The following MUC5AC variants were observed in gnomAD, a reference collection of about 807,000 sequenced individuals.
The protein encoded by MUC5AC is mucin 5AC, oligomeric mucus/gel-forming.
A neutral mutation model predicts 169.7 loss-of-function variants in MUC5AC; 158 were observed. The ratio of observed to expected loss-of-function variants is 0.93; its 90% CI spans 0.82 to 1.06. The LOEUF (loss-of-function observed/expected upper bound fraction) is 1.06. MUC5AC is among the 50% of genes least tolerant of loss of function. The pLI, the probability that MUC5AC is intolerant of heterozygous loss-of-function variation, is 0.00. For synonymous variants in MUC5AC, 1,975 were observed against 1,237.0 expected, an observed-to-expected ratio of 1.60 and a Z score of -12.52; for missense variants, 4,359 against 3,089.9, an observed-to-expected ratio of 1.41 and a Z score of -9.74.
chr11:1,163,931 C>A lies in MUC5AC; in HGVS notation c.729C>A (p.Asp243Glu). The change falls in exon 7 of 49, where the codon GAC becomes GAA. Residue 243 changes from aspartate (D) to glutamate (E), a missense_variant. Transcript: ENST00000621226. ...TCGGGAACCTGCAGAAGATGGACGA[C>A]CCCACGGACCAGTGTCAGGACCCTG... ...MEFGNLQKMD[D>E]PTDQCQDPVP... 6.2e-7 allele frequency: 1 copy of A among 1,611,476 alleles called. No homozygotes were observed. Among genetic ancestry groups the A allele is most frequent in the South Asian group, 1.1e-5 (1 of 90,782 alleles).
Position 1,186,742 on chromosome 11 carries a change from G to A in MUC5AC, c.8597G>A (p.Ser2866Asn), listed in dbSNP as rs1467929480. The A allele has an allele frequency of 1.6e-6, 1 of 625,970 alleles. No homozygotes were observed. The highest frequency in any genetic ancestry group is 2.9e-6 in the Non-Finnish European group (1 of 350,208). The allele number at this position is 625,970 out of a possible 1,614,324, so 38.8% of individuals were successfully genotyped here. Residue 2866 changes from serine to asparagine, a missense_variant, in exon 31 of 49, where the codon AGC becomes AAC. By Grantham distance (46) the Ser-to-Asn change is conservative. Coordinates refer to ENST00000621226, the MANE Select transcript of MUC5AC (RefSeq NM_001304359.2). The part of the protein sequence containing the change: ...PTTRTTSVPT[S>N]STTSTATTST... Reference sequence around the variant, plus strand: ...ACCAGAACAACCTCTGTCCCTACAAGCAGCACAACCTCCACTGCTACAACC... The same window carrying A: ...ACCAGAACAACCTCTGTCCCTACAAACAGCACAACCTCCACTGCTACAACC...
Position 1,186,249 on chromosome 11 carries a change from C to A in MUC5AC, c.8104C>A (p.Pro2702Thr). The A allele has an allele frequency of 1.4e-6, 1 of 724,654 alleles. No homozygotes were observed. The highest frequency in any genetic ancestry group is 1.4e-5 in the South Asian group (1 of 71,854). 44.9% of individuals were successfully genotyped at this position (724,654 alleles called of 1,614,324 possible). A position where few individuals can be genotyped will look rare whatever the true frequency, so the allele number is the denominator to read the frequency against. The change falls in exon 31 of 49, where the codon CCT (proline) becomes ACT (threonine). Residue 2702 changes from proline to threonine, a missense_variant. By Grantham distance (38) the Pro-to-Thr change is conservative (BLOSUM62 -1). Coordinates refer to ENST00000621226, the MANE Select transcript of MUC5AC (RefSeq NM_001304359.2). ...CTCTGGTCCTGGAACTACTCCCAGC[C>A]CTGTTCCCACCACCAGCACAACCTC... ...TTSGPGTTPS[P>T]VPTTSTTSAP...
intron 2 of MUC5AC, among the ~76,000 whole-genome samples, chr11:1,161,290 T>G (rs1860133465): frequency 6.6e-6 from 1 of 151,812 alleles, no homozygotes; most frequent in Admixed American, 6.6e-5. Flanking sequence ...CCCTGGGGAC[T>G]TCTTCCTGGT....
At chr11:1,165,085 T>A (rs1860279280) in intron 9 of MUC5AC, among the ~76,000 whole-genome samples, 1 of 128,348 alleles carries the variant, frequency 7.8e-6, no homozygotes, top group Non-Finnish European at 1.6e-5. Context: ...GAGGCCCCTG[T>A]CCTGGCCCCC....
chr11:1,186,541 C>A lies in MUC5AC; in HGVS notation c.8396C>A (p.Thr2799Asn), dbSNP rs1860951368. Reference sequence around the variant, plus strand: ...TCTCCTACAACCAGCACAACCTCTACTACTATAACCAGCACAACTTCTGCC... The same window carrying A: ...TCTCCTACAACCAGCACAACCTCTAATACTATAACCAGCACAACTTCTGCC... ...TLSPTTSTTS[T>N]TITSTTSAPI... Residue 2799 changes from threonine (T) to asparagine (N), a missense_variant, in exon 31 of 49, where the codon ACT (threonine) becomes AAT (asparagine). Transcript: ENST00000621226. 1.0e-5 allele frequency: 7 copies of A among 699,790 alleles called. No homozygotes were observed. The South Asian group carries it at 1.0e-4, about 10-fold the overall frequency. The allele number at this position is 699,790 out of a possible 1,614,324, so 43.3% of individuals were successfully genotyped here.
In MUC5AC at chr11:1,178,602, G is replaced by A. The variant is rs1420646882; in HGVS notation, c.3246G>A (p.Thr1082=). 4.7e-5 allele frequency: 66 copies of A among 1,408,210 alleles called. No homozygotes were observed. The highest frequency in any genetic ancestry group is 1.5e-5 in the African/African-American group (1 of 67,674). The allele number at this position is 1,408,210 out of a possible 1,614,324, so 87.2% of individuals were successfully genotyped here. ...CCCTGGCGCCCAAGGACCCCTGCAC[G>A]GCCAACCCCTTCCGCAAGTCCTGGG... ...PDALAPKDPC[T]ANPFRKSWAQ... The change falls in exon 25 of 49, where the codon ACG becomes ACA. Residue 1082 remains threonine (T), a synonymous_variant. Coordinates refer to ENST00000621226, the MANE Select transcript of MUC5AC (RefSeq NM_001304359.2).
intron 16 of MUC5AC, among the ~76,000 whole-genome samples, chr11:1,174,212 CTG>C (rs1433212354): frequency 2.6e-5 from 4 of 152,260 alleles, no homozygotes; most frequent in Non-Finnish European, 5.9e-5. Context: ...AGCTGATGTG[CTG>C]TGTCTGAGGC....
intron 15 of MUC5AC, among the ~76,000 whole-genome samples, chr11:1,169,825 TTCACCCACTCACTCACCCACTCACCGAC>T (rs1860446055): frequency 9.6e-6 from 1 of 104,228 alleles, no homozygotes; most frequent in Non-Finnish European, 2.0e-5. Context: ...CACTCACCCA[TTCACCCACTCACTCACCCACTCACCGAC>T]TCACCCATTC....
intron 16 of MUC5AC, among the ~76,000 whole-genome samples, chr11:1,172,829 TTCAC>T (rs1421554636): frequency 9.5e-4 from 125 of 131,870 alleles, no homozygotes; most frequent in Non-Finnish European, 1.8e-3. Flanking sequence ...CACTCACCCA[TTCAC>T]TCACTCACCC....
chr11:1,174,442 G>A, intron 16 of MUC5AC, 54 bp from the exon 17 acceptor site: 2 of 1,134,930 alleles, frequency 1.8e-6, no homozygotes, highest in South Asian at 1.4e-5. Flanking sequence ...GGCGTGGGGG[G>A]CCACCAGGTG....
chr11:1,168,053 C>T (rs1416965968), intron 12 of MUC5AC, 66 bp downstream of exon 12: 2 of 1,374,558 alleles, frequency 1.5e-6, no homozygotes, highest in African/African-American at 1.4e-5. Context: ...TGCAAGTCAC[C>T]TCTGCCCAAG....
In MUC5AC at chr11:1,162,583, C is replaced by T; in HGVS notation, c.525C>T (p.Ser175=). Residue 175 remains serine, a synonymous_variant, in exon 5 of 49, where the codon AGC becomes AGT. Transcript: ENST00000621226. ...GGGTCCTCATTCAGCAGAGCAGCAG[C>T]TACACCAAGGTGGAGGCCAGGCTGG... ...QSGVLIQQSS[S]YTKVEARLGL... The T allele has an allele frequency of 6.2e-7, 1 of 1,612,764 alleles. No individual in the cohort carries two copies. Among genetic ancestry groups the T allele is most frequent in the South Asian group, 1.1e-5 (1 of 91,082 alleles).
chr11:1,165,540 G>T, intron 10 of MUC5AC, 82 bp from the exon 11 acceptor site: 1 of 1,592,114 alleles, frequency 6.3e-7, no homozygotes, highest in South Asian at 1.1e-5. Flanking sequence ...CCTGGGGTGA[G>T]ACCCGGTCAG....
intron 35 of MUC5AC, 26 bp from the exon 36 acceptor site, chr11:1,194,986 G>A (rs1223616707): frequency 4.3e-6 from 3 of 704,142 alleles, no homozygotes; most frequent in Non-Finnish European, 7.8e-6. Context: ...CTGTCCAGCA[G>A]CCTGACCCCC....
intron 8 of MUC5AC, 27 bp from the exon 9 acceptor site, chr11:1,164,380 C>T (rs755277146): frequency 5.0e-5 from 81 of 1,611,888 alleles, no homozygotes; most frequent in Admixed American, 6.7e-5. Context: ...GGCAGGCAGA[C>T]GTGAGCCCTC....
intron 15 of MUC5AC, among the ~76,000 whole-genome samples, chr11:1,170,460 C>T (rs1430654370): frequency 7.1e-6 from 1 of 141,202 alleles, no homozygotes; most frequent in Non-Finnish European, 1.6e-5. Flanking sequence ...CACCCACTCA[C>T]CGACTCACCC....
chr11:1,162,299 G>T (rs1312877689), intron 4 of MUC5AC, 131 bp downstream of exon 4: 58 of 1,400,624 alleles, frequency 4.1e-5, no homozygotes, highest in Non-Finnish European at 5.4e-5. Flanking sequence ...AGCTGGACAT[G>T]GGCCCTCCCT....
chr11:1,179,146 T>G lies in MUC5AC; in HGVS notation c.3382T>G (p.Ser1128Ala), dbSNP rs1349680435. Residue 1128 changes from serine to alanine, a missense_variant, in exon 26 of 49, where the codon TCC (serine) becomes GCC (alanine). Coordinates refer to ENST00000621226, the MANE Select transcript of MUC5AC (RefSeq NM_001304359.2). ...CGTGAACGACGCGTGCGCCTGCGAC[T>G]CCGGGGGTGACTGCGAGTGCTTCTG... ...ACVNDACACD[S>A]GGDCECFCTA... is the part of the protein sequence containing the mutation. The G allele has an allele frequency of 4.4e-6, 3 of 674,648 alleles. No homozygotes were observed. Among genetic ancestry groups the G allele is most frequent in the Non-Finnish European group, 8.1e-6 (3 of 369,852 alleles). 41.8% of individuals were successfully genotyped at this position (674,648 alleles called of 1,614,324 possible).
At chr11:1,165,466 A>T (rs773609463) in intron 10 of MUC5AC, 47 bp downstream of exon 10, 5 of 1,596,152 alleles carry the variant, frequency 3.1e-6, no homozygotes, top group Non-Finnish European at 4.3e-6. Flanking sequence ...GCTATGGGAC[A>T]GACCTGCTGG....
Sources: gnomAD v4.1 joint callset for allele counts (sites outside exome capture counted in the v4.1 genomes callset) on GRCh38, gnomAD v4.1.1 for gene constraint, MANE v1.5 for transcripts, NCBI Gene and HGNC (gene_info 2026-07-23, HGNC 2026-07-21) for gene names.